GRAMD1C: variants seen among roughly 807,000 people sequenced by gnomAD.
GRAMD1C encodes protein Aster-C.
In GRAMD1C, 89 loss-of-function variants were observed where a neutral mutation model predicts 97.8. The observed-to-expected ratio is 0.91, with a 90% CI of 0.77 to 1.09. GRAMD1C has a LOEUF of 1.09. Ranked by LOEUF, GRAMD1C falls within the 50% of genes least tolerant of loss-of-function variation. GRAMD1C has a pLI of 0.00. For synonymous variants in GRAMD1C, 256 were observed against 267.0 expected (o/e 0.96, Z 0.40); for missense variants, 740 against 766.4 (o/e 0.97, Z 0.41).
chr3:113,870,938 G>A (rs1223049297), intron 3 of GRAMD1C, among the ~76,000 whole-genome samples: 1 of 148,332 alleles, frequency 6.7e-6, no homozygotes, highest in Non-Finnish European at 1.5e-5. Context: ...GCAACAAAGC[G>A]AGACCTTGGC....
At position 113,830,590 on chromosome 3, in the gene GRAMD1C, T is replaced by G. The variant is rs570397801; in HGVS notation, n.98+2311T>G. 1.7e-4 allele frequency among the ~76,000 whole-genome samples: 26 copies of G among 152,334 alleles called. 1 individual carries two copies. The South Asian group carries it at 3.9e-3, about 23-fold the overall frequency. On this transcript the variant is annotated intron_variant and non_coding_transcript_variant, in intron 1 of 18. Transcript: ENST00000479212. ...TATAAACCTGGACAGCATGTTACCA[T>G]GCTGAATACTGAAGACAGCTGTAAC...
At chr3:113,865,389 C>CT (rs1289237024) in intron 2 of GRAMD1C, among the ~76,000 whole-genome samples, 1 of 152,162 alleles carries the variant, frequency 6.6e-6, no homozygotes, top group East Asian at 1.9e-4. Context: ...GCTTGTGAGG[C>CT]TATGGAGTGT....
Position 113,936,249 on chromosome 3 carries a change from GTTT to G in GRAMD1C, c.1457-8_1457-6del, listed in dbSNP as rs751275498. The G allele has an allele frequency of 8.5e-7, 1 of 1,175,834 alleles. No homozygotes were observed. The highest frequency in any genetic ancestry group is 2.2e-5 in the Admixed American group (1 of 44,564). The allele number at this position is 1,175,834 out of a possible 1,614,324, so 72.8% of individuals were successfully genotyped here. A position where few individuals can be genotyped will look rare whatever the true frequency, so the allele number is the denominator to read the frequency against. Reference sequence around the variant, plus strand: ...GAGCTTTCCTCACTATATAAAGATTGTTTTTTTTTTTCTTAGAATCAGATTTGT... The same window carrying G: ...GAGCTTTCCTCACTATATAAAGATTGTTTTTTTTCTTAGAATCAGATTTGT... On this transcript the variant is annotated splice_polypyrimidine_tract_variant and intron_variant, in intron 13 of 17. Coordinates refer to ENST00000358160, the MANE Select transcript of GRAMD1C (RefSeq NM_017577.5).
intron 3 of GRAMD1C, among the ~76,000 whole-genome samples, chr3:113,872,206 T>C (rs955313967): frequency 6.6e-6 from 1 of 152,134 alleles, no homozygotes; most frequent in Non-Finnish European, 1.5e-5. Context: ...ATGTTCTTCC[T>C]GGGAGATAAC....
intron 2 of GRAMD1C, among the ~76,000 whole-genome samples, chr3:113,854,426 G>A (rs66482840): frequency 0.3 from 45,872 of 152,020 alleles, 7,923 homozygotes; most frequent in Non-Finnish European, 0.38. Flanking sequence ...TTAGGAGATA[G>A]AAGAAAATCT....
intron 2 of GRAMD1C, among the ~76,000 whole-genome samples, chr3:113,851,435 A>T (rs1444332142): frequency 6.6e-6 from 1 of 152,036 alleles, no homozygotes; most frequent in Admixed American, 6.5e-5. Context: ...ATCTACATAT[A>T]TGCAAATAAT....
intron 10 of GRAMD1C, among the ~76,000 whole-genome samples, chr3:113,927,399 A>G (rs1268464884): frequency 6.6e-6 from 1 of 152,094 alleles, no homozygotes; most frequent in Non-Finnish European, 1.5e-5. Context: ...CAGACAGGCC[A>G]TATGCTTGCC....
rs866852433 is a variant in GRAMD1C, at chr3:113,889,209, C to T, written c.540+6377C>T. Among the ~76,000 whole-genome samples the T allele has an allele frequency of 8.7e-4, 119 of 136,964 alleles. 1 individual carries two copies. The highest frequency in any genetic ancestry group is 2.8e-3 in the African/African-American group (104 of 36,922). The allele number at this position is 136,964 out of a possible 152,430, so 89.9% of individuals were successfully genotyped here. On this transcript the variant is annotated intron_variant, in intron 6 of 17. Transcript: ENST00000358160. ...GAGCAAAACTCCTTCTAAAAAAAAA[C>T]GTATATCCACACAGTGGAATATCAT...
chr3:113,917,375 G>A (rs1936853161), intron 10 of GRAMD1C, among the ~76,000 whole-genome samples: 1 of 152,140 alleles, frequency 6.6e-6, no homozygotes, highest in South Asian at 2.1e-4. Context: ...CCAGGCTGGA[G>A]TGAAGAGGTG....
chr3:113,872,519 C>T (rs1340206789), intron 3 of GRAMD1C, among the ~76,000 whole-genome samples: 5 of 150,800 alleles, frequency 3.3e-5, no homozygotes, highest in Middle Eastern at 3.4e-3. Flanking sequence ...CTCAGCCTCC[C>T]GAGTAGCTGG....
intron 1 of GRAMD1C, among the ~76,000 whole-genome samples, chr3:113,833,439 A>G (rs997765279): frequency 2.0e-5 from 3 of 151,750 alleles, no homozygotes; most frequent in East Asian, 1.9e-4. Context: ...GCCCGGCCCA[A>G]ATGTTTTCAA....
chr3:113,927,651 C>G (rs1199145130), intron 10 of GRAMD1C, among the ~76,000 whole-genome samples: 3 of 152,182 alleles, frequency 2.0e-5, no homozygotes, highest in East Asian at 1.9e-4. Context: ...AGTGAGACCA[C>G]TGGGCTGGAC....
At chr3:113,879,689 CTTTTTTTTTT>C (rs1187587255) in intron 5 of GRAMD1C, among the ~76,000 whole-genome samples, 2 of 131,954 alleles carry the variant, frequency 1.5e-5, no homozygotes, top group Admixed American at 1.6e-4. Flanking sequence ...TGACCTCTTC[CTTTTTTTTTT>C]TTTTTTTTTT....
intron 2 of GRAMD1C, among the ~76,000 whole-genome samples, chr3:113,856,967 T>TG (rs1934156959): frequency 6.6e-6 from 1 of 151,306 alleles, no homozygotes; most frequent in Non-Finnish European, 1.5e-5. Flanking sequence ...GCCTCCTGAG[T>TG]GGTTAGGACT....
intron 2 of GRAMD1C, among the ~76,000 whole-genome samples, chr3:113,849,075 C>T (rs896952915): frequency 6.6e-6 from 1 of 151,912 alleles, no homozygotes; most frequent in Non-Finnish European, 1.5e-5. Flanking sequence ...ATTAAGATCC[C>T]AGAGGCAAGG....
rs190562303 is a variant in GRAMD1C, at chr3:113,846,352, C to T, written c.174+1703C>T. Among the ~76,000 whole-genome samples, 117 of 152,134 alleles carry T rather than the reference C, an allele frequency of 7.7e-4. 1 individual carries two copies. The East Asian group carries it at 0.017, about 22-fold the overall frequency. The stretch of plus-strand genomic sequence containing the variant: ...AACTCCCGACCTCAGGTGATCCGCC[C>T]GCCTCGGCCTCCCAAAGTGCTGGGA... On this transcript the variant is annotated intron_variant, in intron 2 of 17. Coordinates refer to ENST00000358160, the MANE Select transcript of GRAMD1C (RefSeq NM_017577.5).
At chr3:113,898,282 T>C (rs1352791416) in intron 6 of GRAMD1C, among the ~76,000 whole-genome samples, 1 of 152,168 alleles carries the variant, frequency 6.6e-6, no homozygotes, top group Non-Finnish European at 1.5e-5. Flanking sequence ...TTAGTCTGCC[T>C]TTGTAATCGT....
chr3:113,870,438 A>G (rs1402521373), intron 3 of GRAMD1C, among the ~76,000 whole-genome samples: 1 of 152,098 alleles, frequency 6.6e-6, no homozygotes, highest in Non-Finnish European at 1.5e-5. Context: ...GAAAGGTACT[A>G]TGAAGGGAAG....
intron 3 of GRAMD1C, among the ~76,000 whole-genome samples, chr3:113,875,104 G>A (rs1934973974): frequency 6.6e-6 from 1 of 151,070 alleles, no homozygotes; most frequent in Non-Finnish European, 1.5e-5. Context: ...TGATCCTTCT[G>A]ACCCTTTATT....
Sources: allele counts gnomAD v4.1 joint callset (sites outside exome capture counted in the v4.1 genomes callset), GRCh38; gene constraint gnomAD v4.1.1; transcripts MANE v1.5; gene names NCBI Gene and HGNC (gene_info 2026-07-23, HGNC 2026-07-21).